The following EGFLAM variants were observed in gnomAD, a reference collection of about 807,000 sequenced individuals.
The protein encoded by EGFLAM is pikachurin.
Under a neutral mutation model 113.1 loss-of-function variants are expected in EGFLAM, and 79 were observed. The observed-to-expected ratio is 0.70, with a 90% CI of 0.58 to 0.84. EGFLAM has a LOEUF of 0.84. Ranked by LOEUF, EGFLAM falls within the 40% of genes least tolerant of loss-of-function variation. EGFLAM has a pLI of 0.00. For synonymous variants in EGFLAM, 504 were observed against 487.6 expected (o/e 1.03, Z -0.44); for missense variants, 1,265 against 1,291.6 (o/e 0.98, Z 0.32).
chr5:38,451,514 A>C lies in EGFLAM; in HGVS notation c.2687+56A>C. 4 of 1,589,022 alleles carry C rather than the reference A, an allele frequency of 2.5e-6. No individual in the cohort carries two copies. The South Asian group carries it at 4.6e-5, about 18-fold the overall frequency. On this transcript the variant is annotated intron_variant, in intron 19 of 21. Transcript: ENST00000322350. ...ACCTTGCGATTTTCTCAGACATTGCAGATCATGCCAGAGTGATTCAGAAGG... is the reference window on the plus strand; with the variant it reads ...ACCTTGCGATTTTCTCAGACATTGCCGATCATGCCAGAGTGATTCAGAAGG...
At chr5:38,322,176 G>A (rs914074167) in intron 1 of EGFLAM, among the ~76,000 whole-genome samples, 4 of 152,154 alleles carry the variant, frequency 2.6e-5, no homozygotes, top group African/African-American at 7.2e-5. Flanking sequence ...TCCACTGCCC[G>A]TCCTGGAGCA....
intron 1 of EGFLAM, among the ~76,000 whole-genome samples, chr5:38,336,570 T>TACACACACAC (rs148241267): frequency 0.046 from 6,514 of 142,150 alleles, 214 homozygotes; most frequent in Middle Eastern, 0.09. Context: ...TGAGACTCCG[T>TACACACACAC]ACACACACAC....
intron 1 of EGFLAM, among the ~76,000 whole-genome samples, chr5:38,295,929 G>A (rs1379261878): frequency 6.6e-6 from 1 of 152,148 alleles, no homozygotes; most frequent in African/African-American, 2.4e-5. Context: ...TAGGATTAGT[G>A]CTATTTAAAT....
chr5:38,325,006 C>T (rs1738840256), intron 1 of EGFLAM, among the ~76,000 whole-genome samples: 1 of 152,176 alleles, frequency 6.6e-6, no homozygotes, highest in Admixed American at 6.5e-5. Context: ...TTGAGAGGCC[C>T]AGTGTCACCT....
Position 38,350,634 on chromosome 5 carries a change from A to G in EGFLAM, c.409+16A>G. On this transcript the variant is annotated intron_variant, in intron 4 of 21. Coordinates refer to ENST00000322350, the MANE Select transcript of EGFLAM (RefSeq NM_152403.4). ...TTGTCCCAAGGTAAAGTAGGTTCAA[A>G]TTCATTAATAGGTGGCAGGCTGCTA... The G allele has an allele frequency of 6.2e-7, 1 of 1,608,816 alleles. No homozygotes were observed. Among genetic ancestry groups the G allele is most frequent in the Non-Finnish European group, 8.5e-7 (1 of 1,176,206 alleles).
At chr5:38,275,696 A>AT (rs1339855957) in intron 1 of EGFLAM, among the ~76,000 whole-genome samples, 1 of 152,346 alleles carries the variant, frequency 6.6e-6, no homozygotes, top group African/African-American at 2.4e-5. Context: ...CTGGATTTAA[A>AT]CTGCATTCCA....
chr5:38,267,233 C>G (rs1010574774), intron 1 of EGFLAM, among the ~76,000 whole-genome samples: 1 of 152,148 alleles, frequency 6.6e-6, no homozygotes, highest in Non-Finnish European at 1.5e-5. Context: ...GACAGGGCAC[C>G]CAAAATCCCA....
intron 1 of EGFLAM, among the ~76,000 whole-genome samples, chr5:38,308,398 T>G (rs533268744): frequency 1.3e-5 from 2 of 150,704 alleles, no homozygotes; most frequent in African/African-American, 5.0e-5. Flanking sequence ...CTCCGCATGC[T>G]GAAGGCTGGG....
chr5:38,430,214 G>A (rs1400936212), intron 14 of EGFLAM: 1 of 156,348 alleles, frequency 6.4e-6, no homozygotes. Flanking sequence ...TATTTTTTAT[G>A]CGTTTCAAAG....
intron 15 of EGFLAM, among the ~76,000 whole-genome samples, chr5:38,432,640 C>T (rs140360689): frequency 4.6e-5 from 7 of 152,318 alleles, no homozygotes; most frequent in Middle Eastern, 3.4e-3. Flanking sequence ...GAATACACCT[C>T]GCTGTCTGTT....
intron 17 of EGFLAM, among the ~76,000 whole-genome samples, chr5:38,441,895 G>A (rs1579937065): frequency 6.6e-6 from 1 of 152,090 alleles, no homozygotes; most frequent in Non-Finnish European, 1.5e-5. Context: ...GATTCCACAG[G>A]CCACTAGATG....
rs76355692 is a variant in EGFLAM at position 38,378,094 on chromosome 5, A to G, written c.712+7632A>G. ...ATAAACTGTTTTCTTCCACAGTTTCAGAAACATACTCTTCCACTGAGCTGA... is the reference window on the plus strand; with the variant it reads ...ATAAACTGTTTTCTTCCACAGTTTCGGAAACATACTCTTCCACTGAGCTGA... On this transcript the variant is annotated intron_variant, in intron 6 of 21. Coordinates refer to ENST00000322350, the MANE Select transcript of EGFLAM (RefSeq NM_152403.4). Among the ~76,000 whole-genome samples the G allele has an allele frequency of 6.4e-3, 977 of 152,276 alleles. 11 individuals carry two copies. The highest frequency in any genetic ancestry group is 0.023 in the African/African-American group (944 of 41,546).
At chr5:38,331,216 G>A (rs1554047923) in intron 1 of EGFLAM, among the ~76,000 whole-genome samples, 2 of 152,068 alleles carry the variant, frequency 1.3e-5, no homozygotes, top group Admixed American at 6.5e-5. Flanking sequence ...CTATCAGAGT[G>A]GTACATTTGT....
chr5:38,438,460 G>T lies in EGFLAM; in HGVS notation c.2464+5G>T, dbSNP rs780153586. 3.8e-6 allele frequency: 6 copies of T among 1,596,542 alleles called. No homozygotes were observed. The South Asian group carries it at 6.8e-5, about 18-fold the overall frequency. Reference sequence around the variant, plus strand: ...AGGGGCTTCACTGCCAGAAAGGTACGCTCAGGGGTCTGAGGCACAGCTCCC... The same window carrying T: ...AGGGGCTTCACTGCCAGAAAGGTACTCTCAGGGGTCTGAGGCACAGCTCCC... On this transcript the variant is annotated splice_donor_5th_base_variant and intron_variant, in intron 17 of 21. Transcript: ENST00000322350.
rs762434665 is a variant in EGFLAM, at chr5:38,352,218, T to A, written c.432T>A (p.Ala144=). Residue 144 remains alanine (A), a synonymous_variant, in exon 5 of 22, where the codon GCT becomes GCA. Coordinates refer to ENST00000322350, the MANE Select transcript of EGFLAM (RefSeq NM_152403.4). ...LSQDSCLPPA[A]PQQPHVIVVS... ...TAGATTCCTGCCTGCCTCCTGCAGC[T>A]CCCCAGCAGCCACATGTCATTGTGG... 6.2e-6 allele frequency: 10 copies of A among 1,614,056 alleles called. No individual in the cohort carries two copies. In the Admixed American group the frequency reaches 1.7e-4, roughly 27 times the overall value.
At chr5:38,416,713 CAGA>C (rs375127752) in intron 11 of EGFLAM, among the ~76,000 whole-genome samples, 41 of 152,252 alleles carry the variant, frequency 2.7e-4, no homozygotes, top group Middle Eastern at 3.4e-3. Flanking sequence ...GGATGGGATC[CAGA>C]AGAAGTGAAT....
chr5:38,336,963 A>G (rs1739203303), intron 1 of EGFLAM, among the ~76,000 whole-genome samples: 1 of 152,226 alleles, frequency 6.6e-6, no homozygotes, highest in Non-Finnish European at 1.5e-5. Context: ...CAACCTGTAT[A>G]TATTATTTGA....
intron 9 of EGFLAM, among the ~76,000 whole-genome samples, chr5:38,408,442 A>G (rs1579885921): frequency 6.6e-6 from 1 of 152,170 alleles, no homozygotes; most frequent in East Asian, 1.9e-4. Context: ...ATCTCCAATG[A>G]TACAAAAAGG....
At chr5:38,279,085 A>C (rs1409746411) in intron 1 of EGFLAM, among the ~76,000 whole-genome samples, 1 of 152,212 alleles carries the variant, frequency 6.6e-6, no homozygotes. Flanking sequence ...AAAAGAAGAC[A>C]TACAAATGGC....
Sources: gnomAD v4.1 joint callset for allele counts (sites outside exome capture counted in the v4.1 genomes callset) on GRCh38, gnomAD v4.1.1 for gene constraint, MANE v1.5 for transcripts, NCBI Gene and HGNC (gene_info 2026-07-23, HGNC 2026-07-21) for gene names.